PCGF5: variants seen among roughly 807,000 people sequenced by gnomAD.
The protein encoded by PCGF5 is polycomb group RING finger protein 5.
Under a neutral mutation model 44.3 loss-of-function variants are expected in PCGF5, and 9 were observed. The observed-to-expected ratio is 0.20, with a 90% CI of 0.12 to 0.35. The LOEUF (loss-of-function observed/expected upper bound fraction) is 0.35, where lower values mean the gene tolerates loss of function less well. Among genes scored for constraint, PCGF5 ranks in the 10% least tolerant of loss-of-function variants. The pLI, the probability that PCGF5 is intolerant of heterozygous loss-of-function variation, is 1.00. For synonymous variants in PCGF5, 95 were observed against 102.5 expected, an observed-to-expected ratio of 0.93 and a Z score of 0.44; for missense variants, 146 against 305.3, an observed-to-expected ratio of 0.48 and a Z score of 3.89.
intron 1 of PCGF5, among the ~76,000 whole-genome samples, chr10:91,210,806 A>G (rs1780543463): frequency 6.6e-6 from 1 of 152,226 alleles, no homozygotes; most frequent in Non-Finnish European, 1.5e-5. Context: ...TCTAACTCAA[A>G]TCACTGTAAC....
At chr10:91,190,537 A>G (rs951800668) in intron 1 of PCGF5, among the ~76,000 whole-genome samples, 4 of 152,200 alleles carry the variant, frequency 2.6e-5, no homozygotes, top group African/African-American at 9.7e-5. Context: ...TGATTCTGGA[A>G]AGTTATGAAA....
chr10:91,236,302 A>G (rs556499499), intron 2 of PCGF5, among the ~76,000 whole-genome samples: 1 of 152,224 alleles, frequency 6.6e-6, no homozygotes, highest in African/African-American at 2.4e-5. Context: ...CCCAGGGAGG[A>G]TAGTAACTGT....
At chr10:91,229,749 A>G (rs756872418) in intron 2 of PCGF5, among the ~76,000 whole-genome samples, 29 of 152,176 alleles carry the variant, frequency 1.9e-4, no homozygotes, top group Admixed American at 2.6e-4. Context: ...TGAAAAAAAG[A>G]TATAAATTGA....
chr10:91,253,606 T>A (rs1845673665), intron 6 of PCGF5, among the ~76,000 whole-genome samples: 2 of 152,120 alleles, frequency 1.3e-5, no homozygotes, highest in Non-Finnish European at 2.9e-5. Context: ...AAGCTTCGCG[T>A]CATCTTTGAT....
At chr10:91,264,329 T>G (rs1029411364) in intron 7 of PCGF5, 102 bp from the exon 8 acceptor site, 3 of 880,210 alleles carry the variant, frequency 3.4e-6, no homozygotes, top group African/African-American at 3.4e-5. Context: ...GGATAATACT[T>G]TTGTTCCAAC....
At chr10:91,251,141 G>C (rs1472932685) in intron 5 of PCGF5, 151 bp from the exon 6 acceptor site, 9 of 481,278 alleles carry the variant, frequency 1.9e-5, no homozygotes, top group Non-Finnish European at 2.5e-5. Flanking sequence ...TGCTGAGTTG[G>C]TTGGAACATT....
chr10:91,207,231 T>C (rs930661109), intron 1 of PCGF5, among the ~76,000 whole-genome samples: 1 of 152,220 alleles, frequency 6.6e-6, no homozygotes, highest in Admixed American at 6.5e-5. Context: ...GTGCAGCTGG[T>C]GGTAGTATTC....
intron 2 of PCGF5, among the ~76,000 whole-genome samples, chr10:91,238,622 T>TCTTTCTTTC (rs1845241272): frequency 7.3e-6 from 1 of 137,670 alleles, no homozygotes; most frequent in African/African-American, 2.7e-5. Flanking sequence ...TTTTTTTTTT[T>TCTTTCTTTC]TTTTTTTTTG....
chr10:91,182,105 G>A (rs1159292338), intron 1 of PCGF5, among the ~76,000 whole-genome samples: 6 of 151,926 alleles, frequency 3.9e-5, no homozygotes, highest in African/African-American at 1.5e-4. Flanking sequence ...TTCGCTGATG[G>A]TTGTTTGTAT....
In PCGF5 at chr10:91,278,454, A is replaced by C; in HGVS notation, c.*138A>C. 1 of 747,790 alleles carries C rather than the reference A, an allele frequency of 1.3e-6. No homozygotes were observed. Among genetic ancestry groups the C allele is most frequent in the South Asian group, 1.7e-5 (1 of 58,812 alleles). 46.3% of individuals were successfully genotyped at this position (747,790 alleles called of 1,614,324 possible). ...GCAAATAAGGCCATTGTCTATCTCT[A>C]AATTGTCAGTTGCATTCATGTTGTT... On this transcript the variant is annotated 3_prime_UTR_variant, in exon 10 of 10. Transcript: ENST00000336126.
intron 1 of PCGF5, among the ~76,000 whole-genome samples, chr10:91,199,163 A>G (rs1202659247): frequency 1.3e-5 from 2 of 152,230 alleles, no homozygotes; most frequent in African/African-American, 4.8e-5. Flanking sequence ...TGCTTCCACA[A>G]GCAAAGTTCC....
chr10:91,190,152 G>A (rs537064826), intron 1 of PCGF5, among the ~76,000 whole-genome samples: 2 of 152,316 alleles, frequency 1.3e-5, no homozygotes, highest in South Asian at 2.1e-4. Flanking sequence ...TGGTTTCCAG[G>A]TGGCACCTGA....
rs1031226152 is a variant in PCGF5, at chr10:91,246,949, A to G, written c.210-1556A>G. 3.6e-5 allele frequency among the ~76,000 whole-genome samples: 5 copies of G among 138,804 alleles called. No individual in the cohort carries two copies. In the South Asian group the frequency reaches 7.0e-4, roughly 20 times the overall value. The allele number at this position is 138,804 out of a possible 152,430, so 91.1% of individuals were successfully genotyped here. A position where few individuals can be genotyped will look rare whatever the true frequency, so the allele number is the denominator to read the frequency against. On this transcript the variant is annotated intron_variant, in intron 3 of 9. Coordinates refer to ENST00000336126, the MANE Select transcript of PCGF5 (RefSeq NM_032373.5). ...AGATGTGATATATAGTCAGGCAGAT[A>G]GATAGATGGATAGATGGATAGATAG... is the stretch of plus-strand genomic sequence containing the variant.
intron 2 of PCGF5, among the ~76,000 whole-genome samples, chr10:91,235,341 T>G (rs570928649): frequency 1.3e-5 from 2 of 152,300 alleles, no homozygotes; most frequent in South Asian, 4.2e-4. Context: ...AACAACCTGG[T>G]TCAAATCTAA....
At chr10:91,262,998 T>C (rs1845959480) in intron 7 of PCGF5, among the ~76,000 whole-genome samples, 1 of 152,248 alleles carries the variant, frequency 6.6e-6, no homozygotes, top group Non-Finnish European at 1.5e-5. Context: ...ACTTCTGGCA[T>C]GTATATATTT....
rs71487496 is a variant in PCGF5, at chr10:91,238,601, C to CTTTTTTTTTTTT, written c.113-1864_113-1853dup. Reference sequence around the variant, plus strand: ...CTCTCATTTCTTTCTTTCTTTCTTTCTTTTTTTTTTTTTTTTTTTTTTTTT... The same window carrying CTTTTTTTTTTTT: ...CTCTCATTTCTTTCTTTCTTTCTTTCTTTTTTTTTTTTTTTTTTTTTTTTTTTTTTTTTTTTT... On this transcript the variant is annotated intron_variant, in intron 2 of 9. Coordinates refer to ENST00000336126, the MANE Select transcript of PCGF5 (RefSeq NM_032373.5). 5.4e-3 allele frequency among the ~76,000 whole-genome samples: 314 copies of CTTTTTTTTTTTT among 58,518 alleles called. 13 individuals carry two copies. Among genetic ancestry groups the CTTTTTTTTTTTT allele is most frequent in the East Asian group, 0.011 (22 of 1,948 alleles). 38.4% of individuals were successfully genotyped at this position (58,518 alleles called of 152,430 possible). A position where few individuals can be genotyped will look rare whatever the true frequency, so the allele number is the denominator to read the frequency against.
chr10:91,195,243 C>T lies in PCGF5; in HGVS notation c.-183-27446C>T, dbSNP rs890900165. Among the ~76,000 whole-genome samples, 12 of 150,622 alleles carry T rather than the reference C, an allele frequency of 8.0e-5. No individual in the cohort carries two copies. The South Asian group carries it at 2.1e-3, about 26-fold the overall frequency. On this transcript the variant is annotated intron_variant, in intron 1 of 9. Coordinates refer to the PCGF5 transcript ENST00000614189. ...TAAAGGAGTAAATGCCACCATACAC[C>T]GTTGAAAAAAGTGCCTCTGAACATT...
intron 2 of PCGF5, among the ~76,000 whole-genome samples, chr10:91,226,289 T>TAAAAAA (rs66465569): frequency 1.5e-4 from 11 of 75,142 alleles, no homozygotes; most frequent in African/African-American, 2.2e-4. Flanking sequence ...TTAAGAAATG[T>TAAAAAA]AAAAAAAAAA....
chr10:91,210,898 G>A (rs1844439966), intron 1 of PCGF5, among the ~76,000 whole-genome samples: 1 of 152,164 alleles, frequency 6.6e-6, no homozygotes, highest in Non-Finnish European at 1.5e-5. Context: ...AAATGTAGAA[G>A]AATATCTCAT....
Sources: allele counts gnomAD v4.1 joint callset (sites outside exome capture counted in the v4.1 genomes callset), GRCh38; gene constraint gnomAD v4.1.1; transcripts MANE v1.5; gene names NCBI Gene and HGNC (gene_info 2026-07-23, HGNC 2026-07-21).